The following PLEK variants were observed in gnomAD, a reference collection of about 807,000 sequenced individuals.
PLEK encodes pleckstrin, also known as platelet 47 kDa protein.
A neutral mutation model predicts 43.9 loss-of-function variants in PLEK; 25 were observed. The observed-to-expected ratio is 0.57, with a 90% confidence interval of 0.41 to 0.79. PLEK has a LOEUF of 0.79. PLEK is among the 30% of genes least tolerant of loss of function. PLEK has a pLI of 0.00. For synonymous variants in PLEK, 152 were observed against 144.4 expected (o/e 1.05, Z -0.38); for missense variants, 396 against 413.3 (o/e 0.96, Z 0.36).
intron 1 of PLEK, chr2:68,365,607 G>A (rs1242094108): frequency 2.0e-6 from 1 of 506,186 alleles, no homozygotes; most frequent in African/African-American, 1.9e-5. Flanking sequence ...TGATATTACG[G>A]GTCTGAGAAT....
chr2:68,369,914 A>C (rs546098743), intron 1 of PLEK, among the ~76,000 whole-genome samples: 1 of 152,338 alleles, frequency 6.6e-6, no homozygotes, highest in South Asian at 2.1e-4. Flanking sequence ...GAGTTCACTT[A>C]TGTAAAAAAT....
At chr2:68,383,033 A>G (rs1045496982) in intron 4 of PLEK, among the ~76,000 whole-genome samples, 1 of 152,208 alleles carries the variant, frequency 6.6e-6, no homozygotes, top group African/African-American at 2.4e-5. Flanking sequence ...GAGGCTGCAC[A>G]GGGTCAGGTA....
intron 6 of PLEK, among the ~76,000 whole-genome samples, chr2:68,391,958 C>T (rs1206274220): frequency 6.6e-6 from 1 of 152,110 alleles, no homozygotes; most frequent in Non-Finnish European, 1.5e-5. Flanking sequence ...ACAGCAAGTA[C>T]AAACAGATAT....
intron 4 of PLEK, 84 bp downstream of exon 4, chr2:68,382,717 A>G: frequency 1.3e-6 from 1 of 773,124 alleles, no homozygotes; most frequent in Non-Finnish European, 2.3e-6. Context: ...AGGTGGGGGT[A>G]TGAAGTATGG....
At chr2:68,389,565 G>T (rs1673818771) in intron 6 of PLEK, among the ~76,000 whole-genome samples, 1 of 152,212 alleles carries the variant, frequency 6.6e-6, no homozygotes, top group Non-Finnish European at 1.5e-5. Context: ...TAGCTGAAAG[G>T]AGGTATAGGT....
chr2:68,383,460 A>T (rs4145319), intron 4 of PLEK, among the ~76,000 whole-genome samples: 2 of 151,642 alleles, frequency 1.3e-5, no homozygotes, highest in African/African-American at 4.9e-5. Context: ...GAGGATTTTT[A>T]ATGAGGAGCC....
At chr2:68,390,749 G>C (rs1673842803) in intron 6 of PLEK, among the ~76,000 whole-genome samples, 1 of 152,122 alleles carries the variant, frequency 6.6e-6, no homozygotes, top group South Asian at 2.1e-4. Context: ...TGTTATAATG[G>C]GAAGCCTCAC....
chr2:68,389,993 C>A (rs1673827925), intron 6 of PLEK, among the ~76,000 whole-genome samples: 1 of 151,962 alleles, frequency 6.6e-6, no homozygotes, highest in Non-Finnish European at 1.5e-5. Flanking sequence ...GTTGATTGGG[C>A]AAACCCTAAT....
At chr2:68,390,466 GA>G (rs1673837394) in intron 6 of PLEK, among the ~76,000 whole-genome samples, 1 of 152,158 alleles carries the variant, frequency 6.6e-6, no homozygotes, top group African/African-American at 2.4e-5. Flanking sequence ...GAAGAAAACA[GA>G]AATCTACGTG....
At chr2:68,382,655 A>C (rs766934214) in intron 4 of PLEK, 22 bp downstream of exon 4, 2 of 1,350,928 alleles carry the variant, frequency 1.5e-6, no homozygotes, top group Admixed American at 1.7e-5. Flanking sequence ...TGCAGGCCTG[A>C]AATAGGGCGA....
At chr2:68,381,756 G>A (rs1673622278) in intron 3 of PLEK, among the ~76,000 whole-genome samples, 1 of 152,174 alleles carries the variant, frequency 6.6e-6, no homozygotes, top group African/African-American at 2.4e-5. Flanking sequence ...GACAAAGTTT[G>A]TGAACTGAGC....
chr2:68,392,574 T>G (rs751541816), intron 6 of PLEK, among the ~76,000 whole-genome samples: 6 of 152,214 alleles, frequency 3.9e-5, no homozygotes, highest in Non-Finnish European at 7.3e-5. Context: ...GTCTTATTCA[T>G]CAACACCTGA....
At chr2:68,370,695 A>G (rs1302139954) in intron 1 of PLEK, among the ~76,000 whole-genome samples, 1 of 152,160 alleles carries the variant, frequency 6.6e-6, no homozygotes, top group Non-Finnish European at 1.5e-5. Context: ...CATGTTGGCC[A>G]GGCTTGTCTT....
chr2:68,393,990 C>G (rs1673910124), intron 7 of PLEK, 117 bp from the exon 8 acceptor site: 2 of 705,496 alleles, frequency 2.8e-6, no homozygotes, highest in African/African-American at 3.5e-5. Flanking sequence ...TCTGCTCTTA[C>G]TTATTTTGGG....
intron 1 of PLEK, among the ~76,000 whole-genome samples, chr2:68,376,131 T>C (rs1183319118): frequency 6.6e-6 from 1 of 152,180 alleles, no homozygotes; most frequent in Non-Finnish European, 1.5e-5. Context: ...GACTGCTTTG[T>C]CTATGGGAGA....
intron 3 of PLEK, among the ~76,000 whole-genome samples, 180 bp from the exon 4 acceptor site, chr2:68,382,362 T>C (rs887077121): frequency 1.1e-4 from 17 of 152,230 alleles, no homozygotes; most frequent in African/African-American, 4.1e-4. Context: ...TATGCAGATA[T>C]GAATGTTGCC....
chr2:68,380,425 T>C lies in PLEK; in HGVS notation c.140T>C (p.Met47Thr). 1 of 1,613,984 alleles carries C rather than the reference T, an allele frequency of 6.2e-7. No homozygotes were observed. The highest frequency in any genetic ancestry group is 8.5e-7 in the Non-Finnish European group (1 of 1,179,854). ...KKKSDNSPKG[M>T]IPLKGSTLTS... ...AAAAGTGACAACAGCCCCAAAGGAA[T>C]GATCCCGCTGAAAGGGAGCACTCTG... Residue 47 changes from methionine to threonine, a missense_variant, in exon 2 of 9, where the codon ATG becomes ACG. Transcript: ENST00000234313.
chr2:68,385,434 A>C (rs1460641514), intron 4 of PLEK, among the ~76,000 whole-genome samples: 1 of 152,206 alleles, frequency 6.6e-6, no homozygotes, highest in Non-Finnish European at 1.5e-5. Flanking sequence ...AGTGCAGGTG[A>C]TGTCATCAAA....
chr2:68,380,935 A>G, intron 3 of PLEK, 31 bp downstream of exon 3: 1 of 1,583,902 alleles, frequency 6.3e-7, no homozygotes, highest in Non-Finnish European at 8.6e-7. Context: ...CTCTTTACCC[A>G]TTCCTTCTGA....
Sources: gnomAD v4.1 joint callset for allele counts (sites outside exome capture counted in the v4.1 genomes callset) on GRCh38, gnomAD v4.1.1 for gene constraint, MANE v1.5 for transcripts, NCBI Gene and HGNC (gene_info 2026-07-23, HGNC 2026-07-21) for gene names.